Variants in ALK observed in about 807,000 individuals in gnomAD.
The protein encoded by ALK is ALK tyrosine kinase receptor.
A neutral mutation model predicts 163.1 loss-of-function variants in ALK; 74 were observed. That is an observed-to-expected ratio of 0.45 (90% CI 0.38 to 0.55). ALK has a LOEUF of 0.55. Ranked by LOEUF, ALK falls within the 20% of genes least tolerant of loss-of-function variation. The pLI, the probability that ALK is intolerant of heterozygous loss-of-function variation, is 0.00. For missense variants in ALK, 2,063 were observed against 2,105.3 expected (o/e 0.98, Z 0.39); for synonymous variants, 960 against 843.2 (o/e 1.14, Z -2.40).
chr2:29,429,980 A>T (rs1362166189), intron 4 of ALK, among the ~76,000 whole-genome samples: 2 of 152,138 alleles, frequency 1.3e-5, no homozygotes, highest in African/African-American at 2.4e-5. Flanking sequence ...CTATAAAAAA[A>T]TTTTTCAGGG....
chr2:29,486,022 C>A (rs1269409873), intron 4 of ALK, among the ~76,000 whole-genome samples: 4 of 152,192 alleles, frequency 2.6e-5, no homozygotes, highest in Non-Finnish European at 5.9e-5. Flanking sequence ...CTTCCCGCCC[C>A]AGAGCTCAGC....
intron 4 of ALK, among the ~76,000 whole-genome samples, chr2:29,454,180 T>C (rs1378429376): frequency 2.0e-5 from 3 of 152,182 alleles, no homozygotes; most frequent in African/African-American, 7.2e-5. Context: ...CCTATAGAAT[T>C]GAATTTATTT....
chr2:29,425,695 G>C (rs1247738381), intron 4 of ALK, among the ~76,000 whole-genome samples: 2 of 152,220 alleles, frequency 1.3e-5, no homozygotes, highest in African/African-American at 4.8e-5. Context: ...CTGTGGCTCA[G>C]AGATTTTGCC....
chr2:29,485,856 G>A (rs1157993925), intron 4 of ALK, among the ~76,000 whole-genome samples: 1 of 152,194 alleles, frequency 6.6e-6, no homozygotes, highest in Admixed American at 6.5e-5. Flanking sequence ...AGTGGCCTCA[G>A]TGGCATTTTT....
At chr2:29,380,780 A>G (rs1341456038) in intron 5 of ALK, among the ~76,000 whole-genome samples, 1 of 152,168 alleles carries the variant, frequency 6.6e-6, no homozygotes, top group Non-Finnish European at 1.5e-5. Context: ...CTCACTCACT[A>G]TCACGAGAAT....
At chr2:29,551,707 A>C (rs112338914) in intron 3 of ALK, among the ~76,000 whole-genome samples, 1 of 152,156 alleles carries the variant, frequency 6.6e-6, no homozygotes, top group African/African-American at 2.4e-5. Context: ...AAATCTAATA[A>C]ATATATGACT....
intron 11 of ALK, among the ~76,000 whole-genome samples, chr2:29,274,031 G>T (rs752110407): frequency 6.6e-6 from 1 of 152,156 alleles, no homozygotes; most frequent in Non-Finnish European, 1.5e-5. Flanking sequence ...GGAAGGGAGG[G>T]ATGATGCGAA....
intron 3 of ALK, among the ~76,000 whole-genome samples, chr2:29,551,526 G>A (rs1673713314): frequency 6.6e-6 from 1 of 152,066 alleles, no homozygotes; most frequent in African/African-American, 2.4e-5. Context: ...TAGCCACAAA[G>A]CTGATAACTG....
At chr2:29,465,833 G>A (rs746624705) in intron 4 of ALK, among the ~76,000 whole-genome samples, 9 of 152,108 alleles carry the variant, frequency 5.9e-5, no homozygotes, top group Non-Finnish European at 1.0e-4. Flanking sequence ...AAAACATTTT[G>A]TCTCACTTTT....
intron 12 of ALK, 87 bp from the exon 13 acceptor site, chr2:29,239,917 G>T: frequency 6.7e-7 from 1 of 1,485,570 alleles, no homozygotes. Context: ...AGTGGGCTAA[G>T]CACATCGCCA....
At chr2:29,490,258 C>A (rs564150176) in intron 4 of ALK, among the ~76,000 whole-genome samples, 27 of 152,288 alleles carry the variant, frequency 1.8e-4, no homozygotes, top group East Asian at 1.5e-3. Flanking sequence ...TGGCCTTGGG[C>A]GGAGGAGGGG....
intron 5 of ALK, among the ~76,000 whole-genome samples, chr2:29,331,772 G>A (rs1405029163): frequency 1.3e-5 from 2 of 152,202 alleles, no homozygotes; most frequent in African/African-American, 4.8e-5. Context: ...AGGACAGGGA[G>A]TTCTATTCTT....
chr2:29,850,905 C>T (rs1245406087), intron 1 of ALK, among the ~76,000 whole-genome samples: 7 of 152,198 alleles, frequency 4.6e-5, no homozygotes, highest in Middle Eastern at 3.2e-3. Context: ...ACCAGCCCTG[C>T]CCCCGGGGGA....
At chr2:29,800,143 A>G (rs770886514) in intron 1 of ALK, among the ~76,000 whole-genome samples, 4 of 152,260 alleles carry the variant, frequency 2.6e-5, no homozygotes, top group Non-Finnish European at 4.4e-5. Context: ...GGAATGTGAA[A>G]GCCAGGGAGG....
rs535055089 is a variant in ALK at position 29,828,048 on chromosome 2, C to G, written c.667+91945G>C. ...ACTATCTGATCTTTGACAAACCTGA[C>G]AAAAACAAGAAATGGGGAAATGATT... On this transcript the variant is annotated intron_variant, in intron 1 of 28. Transcript: ENST00000389048. 2.4e-4 allele frequency among the ~76,000 whole-genome samples: 37 copies of G among 152,206 alleles called. No individual in the cohort carries two copies. The South Asian group carries it at 4.4e-3, about 18-fold the overall frequency.
In ALK at chr2:29,232,329, C is replaced by G; in HGVS notation, c.2607G>C (p.Gly869=). 6.2e-7 allele frequency: 1 copy of G among 1,614,260 alleles called. No homozygotes were observed. Among genetic ancestry groups the G allele is most frequent in the Non-Finnish European group, 8.5e-7 (1 of 1,180,052 alleles). ...CTGCGGCTCCGGAATTGCCGTTTAGCCCTAGAACCGAGGAGTTATTCTCCA... is the reference window on the plus strand; with the variant it reads ...CTGCGGCTCCGGAATTGCCGTTTAGGCCTAGAACCGAGGAGTTATTCTCCA... ...ERLENNSSVL[G]LNGNSGAAGG... Residue 869 remains glycine, a synonymous_variant, in exon 15 of 29, where the codon GGG becomes GGC. Coordinates refer to ENST00000389048, the MANE Select transcript of ALK (RefSeq NM_004304.5).
At chr2:29,568,791 A>T (rs994725157) in intron 3 of ALK, among the ~76,000 whole-genome samples, 4 of 152,194 alleles carry the variant, frequency 2.6e-5, no homozygotes, top group Non-Finnish European at 5.9e-5. Context: ...TCATCTATAA[A>T]GATGCTGTGT....
At chr2:29,905,902 G>C (rs1354169826) in intron 1 of ALK, among the ~76,000 whole-genome samples, 1 of 152,070 alleles carries the variant, frequency 6.6e-6, no homozygotes, top group Admixed American at 6.6e-5. Flanking sequence ...CCCACTCCTG[G>C]GCTCTCTGCC....
At chr2:29,466,354 G>GAC (rs200634195) in intron 4 of ALK, among the ~76,000 whole-genome samples, 1 of 151,610 alleles carries the variant, frequency 6.6e-6, no homozygotes, top group African/African-American at 2.4e-5. Flanking sequence ...CACACACATA[G>GAC]ACACACACAC....
Sources: allele counts gnomAD v4.1 joint callset (sites outside exome capture counted in the v4.1 genomes callset), GRCh38; gene constraint gnomAD v4.1.1; transcripts MANE v1.5; gene names NCBI Gene and HGNC (gene_info 2026-07-23, HGNC 2026-07-21).